Variants in ARRDC5 observed in about 807,000 individuals in gnomAD.
ARRDC5 encodes the protein arrestin domain-containing protein 5.
A neutral mutation model predicts 13.3 loss-of-function variants in ARRDC5; 12 were observed. That is an observed-to-expected ratio of 0.90 (90% CI 0.58 to 1.46). The LOEUF is 1.46. Ranked by LOEUF, ARRDC5 falls within the 40% of genes most tolerant of loss-of-function variation. The pLI, the probability that ARRDC5 is intolerant of heterozygous loss-of-function variation, is 0.00. For synonymous variants in ARRDC5, 181 were observed against 173.4 expected (o/e 1.04, Z -0.34); for missense variants, 406 against 418.7 (o/e 0.97, Z 0.26).
In ARRDC5 at chr19:4,891,491, T is replaced by C. The variant is rs377089966; in HGVS notation, c.542A>G (p.Glu181Gly). 169 of 1,613,798 alleles carry C rather than the reference T, an allele frequency of 1.0e-4. No individual in the cohort carries two copies. Among genetic ancestry groups the C allele is most frequent in the Non-Finnish European group, 1.4e-4 (160 of 1,179,894 alleles). The change falls in exon 3 of 3, where the codon GAA becomes GGA. Residue 181 changes from glutamate (E) to glycine (G), a missense_variant. Transcript: ENST00000650722. ...QGTVCLQIQM[E>G]RNTFTPGEKV... ...CTCTCCTGGCGTGAAGGTGTTCCTT[T>C]CCATCTGGATTTGCAAACAGACAGT...
intron 1 of ARRDC5, among the ~76,000 whole-genome samples, chr19:4,897,679 G>C (rs2031780515): frequency 6.6e-6 from 1 of 152,068 alleles, no homozygotes; most frequent in African/African-American, 2.4e-5. Context: ...ACCATGCCTG[G>C]CTAATTTTTA....
upstream of ARRDC5, among the ~76,000 whole-genome samples, chr19:4,907,641 G>A (rs900463892): frequency 6.7e-6 from 1 of 150,326 alleles, no homozygotes; most frequent in Non-Finnish European, 1.5e-5. Flanking sequence ...GCGGGTTCTA[G>A]GAGTCTTTCT....
Position 4,891,204 on chromosome 19 carries a change from T to C in ARRDC5, c.829A>G (p.Thr277Ala), listed in dbSNP as rs766783093. The change falls in exon 3 of 3, where the codon ACT becomes GCT. Residue 277 changes from threonine to alanine, a missense_variant. Physicochemically the swap from Thr to Ala is moderately conservative, Grantham distance 58. Transcript: ENST00000650722. ...ACGGTGGTGACCAGCTCGTAGCGAGTGTGCATGATCTCACCGTCCTGCGTG... is the reference window on the plus strand; with the variant it reads ...ACGGTGGTGACCAGCTCGTAGCGAGCGTGCATGATCTCACCGTCCTGCGTG... Reference protein sequence around the residue: ...SSTQDGEIMHTRYELVTTVHL... With the variant: ...SSTQDGEIMHARYELVTTVHL... 1.1e-5 allele frequency: 17 copies of C among 1,613,538 alleles called. No individual in the cohort carries two copies. The highest frequency in any genetic ancestry group is 8.3e-5 in the Admixed American group (5 of 59,924).
intron 2 of ARRDC5, among the ~76,000 whole-genome samples, chr19:4,896,351 TTTTTTTTTTTAC>T (rs1205787905): frequency 1.1e-3 from 44 of 40,022 alleles, no homozygotes; most frequent in Admixed American, 7.4e-4. Context: ...TATATATATT[TTTTTTTTTTTAC>T]ACACACACAC....
rs1312276367 is a variant in ARRDC5, at chr19:4,902,619, G to T, written c.207C>A (p.Asn69Lys). 1 of 1,614,000 alleles carries T rather than the reference G, an allele frequency of 6.2e-7. No individual in the cohort carries two copies. The highest frequency in any genetic ancestry group is 1.1e-5 in the South Asian group (1 of 91,084). Residue 69 changes from asparagine (N) to lysine (K), a missense_variant, in exon 1 of 3, where the codon AAC (asparagine) becomes AAA (lysine). Coordinates refer to ENST00000650722, the MANE Select transcript of ARRDC5 (RefSeq NM_001080523.3). ...TCTTATGCACGTAGTCTGCCTTGTTGTTGCAAATAACATTTCTGCTATAAT... is the reference window on the plus strand; with the variant it reads ...TCTTATGCACGTAGTCTGCCTTGTTTTTGCAAATAACATTTCTGCTATAAT... ...SCDYSRNVICNNKADYVHKTK... is the reference protein window; with the variant it reads ...SCDYSRNVICKNKADYVHKTK...
chr19:4,914,342 C>A, the ARRDC5 span, among the ~76,000 whole-genome samples: 42 of 152,218 alleles, frequency 2.8e-4, no homozygotes, highest in African/African-American at 1.0e-3. Context: ...AACACAGTTC[C>A]CGGTGGGCAC....
intron 2 of ARRDC5, 127 bp from the exon 3 acceptor site, chr19:4,891,700 T>A: frequency 1.2e-6 from 1 of 801,442 alleles, no homozygotes. Flanking sequence ...CTCACGCCTA[T>A]AATCCCAACA....
At chr19:4,894,693 AAAGAAG>A (rs1294812532) in intron 2 of ARRDC5, among the ~76,000 whole-genome samples, 88 of 136,784 alleles carry the variant, frequency 6.4e-4, no homozygotes, top group African/African-American at 2.2e-3. Flanking sequence ...AAAAAAAAAA[AAAGAAG>A]AAGAAGGAGA....
At chr19:4,893,780 C>T (rs1240275801) in intron 2 of ARRDC5, among the ~76,000 whole-genome samples, 1 of 148,164 alleles carries the variant, frequency 6.7e-6, no homozygotes, top group African/African-American at 2.5e-5. Flanking sequence ...CGGTGGCTCA[C>T]CCCTGTAATC....
intron 2 of ARRDC5, among the ~76,000 whole-genome samples, chr19:4,893,201 TTA>T (rs927303003): frequency 5.0e-5 from 7 of 139,994 alleles, no homozygotes; most frequent in African/African-American, 1.6e-4. Context: ...ATATAACATA[TTA>T]TATATATATT....
chr19:4,911,408 A>C, the ARRDC5 span, among the ~76,000 whole-genome samples: 6 of 152,292 alleles, frequency 3.9e-5, no homozygotes, highest in Non-Finnish European at 8.8e-5. Flanking sequence ...GCTAGGACGG[A>C]GGGGACCAGG....
rs2297506 is a variant in ARRDC5 at position 4,891,227 on chromosome 19, G to A, written c.806C>T (p.Thr269Met). ...LPLLLSVSSS[T>M]QDGEIMHTRY... ...AGTGTGCATGATCTCACCGTCCTGCGTGCTGCTGCTCACGGACAGCAGCAA... is the reference window on the plus strand; with the variant it reads ...AGTGTGCATGATCTCACCGTCCTGCATGCTGCTGCTCACGGACAGCAGCAA... Residue 269 changes from threonine to methionine, a missense_variant, in exon 3 of 3, where the codon ACG becomes ATG. Transcript: ENST00000650722. 2.1e-4 allele frequency: 331 copies of A among 1,613,890 alleles called. No individual in the cohort carries two copies. The East Asian group carries it at 3.1e-3, about 15-fold the overall frequency.
At chr19:4,912,211 CG>C in the ARRDC5 span, among the ~76,000 whole-genome samples, 2 of 152,176 alleles carry the variant, frequency 1.3e-5, no homozygotes, top group African/African-American at 4.8e-5. Flanking sequence ...GTGCAAGCCG[CG>C]TGTGTGCAGA....
the ARRDC5 span, among the ~76,000 whole-genome samples, chr19:4,912,285 A>G: frequency 1.3e-5 from 2 of 152,092 alleles, no homozygotes; most frequent in Admixed American, 1.3e-4. Flanking sequence ...CCCTCCTCCT[A>G]TGATGCGTGC....
chr19:4,905,116 T>C (rs958682318), upstream of ARRDC5, among the ~76,000 whole-genome samples: 14 of 139,238 alleles, frequency 1.0e-4, no homozygotes, highest in Non-Finnish European at 1.2e-4. Context: ...TTCTTTTTTT[T>C]TTTTTTTTTT....
At chr19:4,909,026 C>G in the ARRDC5 span, among the ~76,000 whole-genome samples, 1 of 152,166 alleles carries the variant, frequency 6.6e-6, no homozygotes, top group Non-Finnish European at 1.5e-5. Context: ...GGAGCCCTGG[C>G]AGGCCCTGAC....
At chr19:4,905,343 T>C (rs1284565269), upstream of ARRDC5, among the ~76,000 whole-genome samples, 2 of 151,100 alleles carry the variant, frequency 1.3e-5, no homozygotes, top group Admixed American at 1.3e-4. Context: ...ATGGTCTCCA[T>C]CTCCTGACCT....
At chr19:4,903,001 A>T, upstream of ARRDC5, 14 of 742,044 alleles carry the variant, frequency 1.9e-5, no homozygotes, top group East Asian at 2.7e-5. Flanking sequence ...TGGGTGGTTG[A>T]TTGGGAAACC....
intron 1 of ARRDC5, among the ~76,000 whole-genome samples, chr19:4,901,752 C>G (rs1388801710): frequency 6.6e-6 from 1 of 152,138 alleles, no homozygotes; most frequent in Non-Finnish European, 1.5e-5. Context: ...CCCACAAACA[C>G]ATTTTGCAAT....
Sources: gnomAD v4.1 joint callset for allele counts (sites outside exome capture counted in the v4.1 genomes callset) on GRCh38, gnomAD v4.1.1 for gene constraint, MANE v1.5 for transcripts, NCBI Gene and HGNC (gene_info 2026-07-23, HGNC 2026-07-21) for gene names.